The following KIF4A variants were observed in gnomAD, a reference collection of about 807,000 sequenced individuals.
The protein encoded by KIF4A is chromosome-associated kinesin KIF4A.
Under a neutral mutation model 105.9 loss-of-function variants are expected in KIF4A, and 7 were observed. That is an observed-to-expected ratio of 0.07 (90% CI 0.04 to 0.12). KIF4A has a LOEUF of 0.12. KIF4A is among the 10% of genes least tolerant of loss of function. KIF4A has a pLI of 1.00. For synonymous variants in KIF4A, 281 were observed against 331.3 expected, an observed-to-expected ratio of 0.85 and a Z score of 1.65; for missense variants, 558 against 929.2, an observed-to-expected ratio of 0.60 and a Z score of 5.19.
At position 70,290,568 on chromosome X, in the gene KIF4A, G is replaced by C. The variant is rs2085755089; in HGVS notation, c.110G>C (p.Gly37Ala). The C allele has an allele frequency of 8.3e-7, 1 of 1,209,573 alleles. No individual in the cohort carries two copies. The highest frequency in any genetic ancestry group is 1.8e-5 in the African/African-American group (1 of 57,085). The stretch of plus-strand genomic sequence containing the variant: ...CAGATGTGCCTTTCCTTCGTGCCCG[G>C]AGAGCCTCAGGTGCGTAGCAGAGTC... ...GCQMCLSFVP[G>A]EPQVVVGTDK... Residue 37 changes from glycine to alanine, a missense_variant, in exon 2 of 31, where the codon GGA becomes GCA. Transcript: ENST00000374403.
intron 10 of KIF4A, among the ~76,000 whole-genome samples, chrX:70,338,312 C>T (rs1444553778): frequency 1.8e-5 from 2 of 112,075 alleles, no homozygotes; most frequent in Non-Finnish European, 3.8e-5. Context: ...TGCCATCACT[C>T]TCATTCCCAC....
chrX:70,413,757 G>A (rs1472679705), intron 28 of KIF4A, among the ~76,000 whole-genome samples: 2 of 111,054 alleles, frequency 1.8e-5, no homozygotes, highest in African/African-American at 3.3e-5. Context: ...GCTGGGCAAC[G>A]TAGCGAGACC....
intron 15 of KIF4A, among the ~76,000 whole-genome samples, chrX:70,363,998 G>C (rs1405249647): frequency 1.8e-5 from 2 of 112,394 alleles, no homozygotes; most frequent in African/African-American, 6.5e-5. Context: ...CAGTGATGAT[G>C]AGCATTTTCT....
chrX:70,366,737 A>G (rs1232817957), intron 15 of KIF4A, among the ~76,000 whole-genome samples: 33 of 111,511 alleles, frequency 3.0e-4, no homozygotes, highest in Non-Finnish European at 4.5e-4. Context: ...TTGATTTGGG[A>G]TGGAGAGTTC....
intron 15 of KIF4A, chrX:70,361,475 G>T: frequency 6.7e-6 from 1 of 148,451 alleles, no homozygotes. Context: ...CCCTGGACTG[G>T]ATATTGTCCC....
At chrX:70,365,150 G>A (rs145028265) in intron 15 of KIF4A, among the ~76,000 whole-genome samples, 17 of 111,662 alleles carry the variant, frequency 1.5e-4, no homozygotes, top group East Asian at 5.6e-4. Context: ...GTGCTGAGAC[G>A]ATGGAGTTTT....
At position 70,292,290 on chromosome X, in the gene KIF4A, G is replaced by T. The variant is rs186983162; in HGVS notation, c.235+1485G>T. Among the ~76,000 whole-genome samples the T allele has an allele frequency of 1.9e-4, 21 of 112,254 alleles. No individual in the cohort carries two copies. In the East Asian group the frequency reaches 4.7e-3, roughly 25 times the overall value. On this transcript the variant is annotated intron_variant, in intron 3 of 30. Transcript: ENST00000374403. Reference sequence around the variant, plus strand: ...CCCAGTAAATATTTTATGGCAAAAAGATCTAGTTCAAAATCACGTTTTATT... The same window carrying T: ...CCCAGTAAATATTTTATGGCAAAAATATCTAGTTCAAAATCACGTTTTATT...
In KIF4A at chrX:70,417,995, G is replaced by T; in HGVS notation, c.3363G>T (p.Gln1121His). Residue 1121 changes from glutamine to histidine, a missense_variant, in exon 29 of 31, where the codon CAG (glutamine) becomes CAT (histidine). Around this residue, in one of 2 missense-constraint regions of KIF4A, gnomAD observed 469 missense variants for 680.4 expected, o/e 0.69. Transcript: ENST00000374403. The part of the protein sequence containing the change: ...CCDPTKCRNR[Q>H]QGKDSLGTVE... ...ACCCCACAAAGTGTCGGAACCGCCA[G>T]CAAGGCAAGGTAGGATCAGGGCTGT... The T allele has an allele frequency of 8.3e-7, 1 of 1,206,694 alleles. No individual in the cohort carries two copies. Among genetic ancestry groups the T allele is most frequent in the Non-Finnish European group, 1.1e-6 (1 of 892,259 alleles).
In KIF4A at chrX:70,340,968, C is replaced by T. The variant is rs1043164256; in HGVS notation, c.1134-831C>T. Reference sequence around the variant, plus strand: ...CCAGTGGATTAAAACAAAAAACAGCCCTACTTCGTATTGGTCTGCTTTACT... The same window carrying T: ...CCAGTGGATTAAAACAAAAAACAGCTCTACTTCGTATTGGTCTGCTTTACT... On this transcript the variant is annotated intron_variant, in intron 10 of 30. Transcript: ENST00000374403. Among the ~76,000 whole-genome samples the T allele has an allele frequency of 2.7e-5, 3 of 111,360 alleles. No homozygotes were observed. In the East Asian group the frequency reaches 8.4e-4, roughly 31 times the overall value.
intron 7 of KIF4A, among the ~76,000 whole-genome samples, chrX:70,327,308 G>T (rs1382516394): frequency 9.0e-6 from 1 of 110,613 alleles, no homozygotes; most frequent in Non-Finnish European, 1.9e-5. Flanking sequence ...TTGAGCGTGG[G>T]TGTAGGCTGA....
At chrX:70,336,240 C>T (rs911570303) in intron 10 of KIF4A, among the ~76,000 whole-genome samples, 2 of 111,847 alleles carry the variant, frequency 1.8e-5, no homozygotes, top group Non-Finnish European at 3.8e-5. Context: ...CCATACATAT[C>T]AATTCACCCC....
intron 13 of KIF4A, among the ~76,000 whole-genome samples, chrX:70,344,191 A>G (rs374165513): frequency 7.1e-5 from 8 of 112,405 alleles, no homozygotes; most frequent in Admixed American, 3.8e-4. Context: ...TTAGTATTTC[A>G]GTATTCTAAT....
In KIF4A at chrX:70,350,857, A is replaced by T. The variant is rs920834363; in HGVS notation, c.1432-1743A>T. Among the ~76,000 whole-genome samples, 4 of 112,324 alleles carry T rather than the reference A, an allele frequency of 3.6e-5. No individual in the cohort carries two copies. In the Admixed American group the frequency reaches 3.7e-4, roughly 10 times the overall value. On this transcript the variant is annotated intron_variant, in intron 13 of 30. Transcript: ENST00000374403. ...TTTCACCTATGACCTCCTTAAGTAC[A>T]TGACTTCCTGGAAATAATTCTTTTT...
At chrX:70,299,695 A>G (rs1229062815) in intron 5 of KIF4A, among the ~76,000 whole-genome samples, 2 of 111,970 alleles carry the variant, frequency 1.8e-5, no homozygotes, top group Admixed American at 1.9e-4. Flanking sequence ...CTACTAATGC[A>G]TGGATATGAT....
intron 13 of KIF4A, among the ~76,000 whole-genome samples, chrX:70,351,563 G>T (rs1386347154): frequency 6.3e-5 from 7 of 110,921 alleles, no homozygotes; most frequent in Non-Finnish European, 1.3e-4. Context: ...ATCAGATAAA[G>T]AAAATGTGGT....
At chrX:70,301,772 C>G (rs1487329802) in intron 5 of KIF4A, 128 bp from the exon 6 acceptor site, 1 of 703,121 alleles carries the variant, frequency 1.4e-6, no homozygotes, top group African/African-American at 2.1e-5. Context: ...CAGTTCTTAT[C>G]ACCATGACTG....
chrX:70,364,857 A>T (rs1272553881), intron 15 of KIF4A, among the ~76,000 whole-genome samples: 1 of 111,531 alleles, frequency 9.0e-6, no homozygotes, highest in African/African-American at 3.3e-5. Context: ...CACAATATTG[A>T]TTCTTCCTAC....
intron 20 of KIF4A, among the ~76,000 whole-genome samples, chrX:70,389,169 T>C (rs963735837): frequency 6.3e-5 from 7 of 111,689 alleles, no homozygotes; most frequent in Non-Finnish European, 1.3e-4. Context: ...GGTGGGAAGA[T>C]CGCTTGAGAC....
intron 15 of KIF4A, 42 bp downstream of exon 15, chrX:70,353,849 C>T (rs2086041056): frequency 5.0e-6 from 5 of 994,175 alleles, no homozygotes; most frequent in Non-Finnish European, 6.7e-6. Context: ...TGTCTACAGT[C>T]TCTTAAACTG....
Sources: gnomAD v4.1 joint callset for allele counts (sites outside exome capture counted in the v4.1 genomes callset) on GRCh38, gnomAD v4.1.1 for gene constraint, gnomAD v4.1.1 regional missense constraint, MANE v1.5 for transcripts, NCBI Gene and HGNC (gene_info 2026-07-23, HGNC 2026-07-21) for gene names.